The following KRT25 variants were observed in gnomAD, a reference collection of about 807,000 sequenced individuals.
KRT25 encodes the protein keratin, type I cytoskeletal 25.
A neutral mutation model predicts 47.6 loss-of-function variants in KRT25; 37 were observed. The observed-to-expected ratio is 0.78, with a 90% CI of 0.60 to 1.02. The LOEUF (loss-of-function observed/expected upper bound fraction) is 1.02, where lower values mean the gene tolerates loss of function less well. KRT25 is among the 50% of genes least tolerant of loss of function. KRT25 has a pLI of 0.00. For synonymous variants in KRT25, 203 were observed against 210.2 expected (o/e 0.97, Z 0.30); for missense variants, 542 against 550.3 (o/e 0.98, Z 0.15).
intron 6 of KRT25, 43 bp downstream of exon 6, chr17:40,750,337 G>T: frequency 6.3e-7 from 1 of 1,595,060 alleles, no homozygotes; most frequent in Non-Finnish European, 8.6e-7. Context: ...GTTGCAAGCA[G>T]ATTTCAGTAT....
intron 3 of KRT25, among the ~76,000 whole-genome samples, chr17:40,753,069 G>C (rs77220461): frequency 0.029 from 4,438 of 152,216 alleles, 387 homozygotes; most frequent in Admixed American, 0.17. Flanking sequence ...TTTACAGCCA[G>C]ACCTATTAAG....
intron 3 of KRT25, among the ~76,000 whole-genome samples, chr17:40,753,541 A>G (rs987702294): frequency 6.6e-6 from 1 of 151,890 alleles, no homozygotes; most frequent in African/African-American, 2.4e-5. Flanking sequence ...CTAAAAATAC[A>G]TAAAATTAGC....
intron 7 of KRT25, 28 bp downstream of exon 7, chr17:40,749,230 A>G: frequency 6.4e-7 from 1 of 1,553,862 alleles, no homozygotes; most frequent in Non-Finnish European, 8.9e-7. Flanking sequence ...AAAAATTAGC[A>G]TTGCACAACA....
In KRT25 at chr17:40,748,387, C is replaced by A. The variant is rs772405467; in HGVS notation, c.1244-1G>T. 3.9e-5 allele frequency: 61 copies of A among 1,583,722 alleles called. No individual in the cohort carries two copies. In the Middle Eastern group the frequency reaches 1.3e-3, roughly 34 times the overall value. ...TTAACCACTATGGCTTTGGCTGGGT[C>A]TGAGCATTAAAAATTAAAAGGAGAT... On this transcript the variant is annotated splice_acceptor_variant, in intron 7 of 7. Transcript: ENST00000312150. LOFTEE classifies it high-confidence loss of function.
At chr17:40,754,506 C>A (rs770043508) in intron 1 of KRT25, 38 bp from the exon 2 acceptor site, 2 of 1,500,058 alleles carry the variant, frequency 1.3e-6, no homozygotes, top group South Asian at 1.1e-5. Flanking sequence ...TGAAGTAAAC[C>A]AACTGAATCT....
chr17:40,752,468 C>G (rs78182203), intron 3 of KRT25, among the ~76,000 whole-genome samples: 1 of 152,124 alleles, frequency 6.6e-6, no homozygotes. Context: ...TGCAGCGAGC[C>G]CCTCAGCCAT....
chr17:40,754,103 T>G lies in KRT25; in HGVS notation c.513-87A>C, dbSNP rs182168491. 6,722 of 1,343,190 alleles carry G rather than the reference T, an allele frequency of 5.0e-3. 36 individuals are homozygous for G. The highest frequency in any genetic ancestry group is 6.0e-3 in the Non-Finnish European group (5,743 of 953,670). 83.2% of individuals were successfully genotyped at this position (1,343,190 alleles called of 1,614,324 possible). A position where few individuals can be genotyped will look rare whatever the true frequency, so the allele number is the denominator to read the frequency against. ...TGATCAATGACAAATGCTAGCATTC[T>G]GGAATTTTGAAGATTTGGCCACAAG... On this transcript the variant is annotated intron_variant, in intron 2 of 7. Coordinates refer to ENST00000312150, the MANE Select transcript of KRT25 (RefSeq NM_181534.4).
In KRT25 at chr17:40,754,925, T is replaced by G. The variant is rs2038091443; in HGVS notation, c.347A>C (p.Glu116Ala). Reference sequence around the variant, plus strand: ...ACGGCAAGAGCCAGGCCCAAATTTCTCATACCAGCCCTTGATCTTCTGCTC... The same window carrying G: ...ACGGCAAGAGCCAGGCCCAAATTTCGCATACCAGCCCTTGATCTTCTGCTC... ...DLEQKIKGWY[E>A]KFGPGSCRGL... The change falls in exon 1 of 8, where the codon GAG (glutamate) becomes GCG (alanine). Residue 116 changes from glutamate (E) to alanine (A), a missense_variant. Coordinates refer to ENST00000312150, the MANE Select transcript of KRT25 (RefSeq NM_181534.4). 1 of 1,614,092 alleles carries G rather than the reference T, an allele frequency of 6.2e-7. No homozygotes were observed. The highest frequency in any genetic ancestry group is 1.7e-5 in the Admixed American group (1 of 60,006).
rs1235798983 is a variant in KRT25, at chr17:40,751,213, G to A, written c.783C>T (p.Ala261=). ...LLNNMRAEYE[A]LAEQNRRDAE... ...CGTCCCTGCGGTTCTGCTCTGCAAGGGCTTCGTACTCAGCTCGCATGTTGT... is the reference window on the plus strand; with the variant it reads ...CGTCCCTGCGGTTCTGCTCTGCAAGAGCTTCGTACTCAGCTCGCATGTTGT... The change falls in exon 4 of 8, where the codon GCC becomes GCT. Residue 261 remains alanine (A), a synonymous_variant. Coordinates refer to ENST00000312150, the MANE Select transcript of KRT25 (RefSeq NM_181534.4). The A allele has an allele frequency of 1.2e-6, 2 of 1,613,950 alleles. No individual in the cohort carries two copies. The highest frequency in any genetic ancestry group is 2.7e-5 in the African/African-American group (2 of 74,900).
intron 2 of KRT25, among the ~76,000 whole-genome samples, 178 bp downstream of exon 2, chr17:40,754,208 G>GA (rs1390735043): frequency 5.3e-5 from 8 of 152,172 alleles, no homozygotes; most frequent in Non-Finnish European, 1.0e-4. Context: ...AGGGTATTGG[G>GA]CGCTAGTTTT....
chr17:40,751,467 C>T, intron 3 of KRT25, 141 bp from the exon 4 acceptor site: 1 of 855,948 alleles, frequency 1.2e-6, no homozygotes, highest in Non-Finnish European at 1.7e-6. Context: ...ACATTTGATA[C>T]TTCCTGTCCC....
intron 3 of KRT25, among the ~76,000 whole-genome samples, chr17:40,753,582 G>C: frequency 6.7e-6 from 1 of 150,228 alleles, no homozygotes. Flanking sequence ...TACTCGGGAG[G>C]CTGAGGCAGG....
Position 40,755,261 on chromosome 17 carries a change from C to G in KRT25, c.11G>C (p.Arg4Pro), listed in dbSNP as rs201968833. The G allele has an allele frequency of 6.2e-7, 1 of 1,613,028 alleles. No homozygotes were observed. The highest frequency in any genetic ancestry group is 1.3e-5 in the African/African-American group (1 of 74,892). The change falls in exon 1 of 8, where the codon CGA becomes CCA. Residue 4 changes from arginine to proline, a missense_variant. Physicochemically the swap from Arg to Pro is moderately radical, Grantham distance 103 (BLOSUM62 -2). Transcript: ENST00000312150. The part of the protein sequence containing the change: MSL[R>P]LSSASRRSCP... ...GGACCTCCTGGATGCACTGGAAAGT[C>G]GAAGAGACATGGTATCAGGGCAAAC...
Position 40,748,319 on chromosome 17 carries a change from GGTAA to G in KRT25, c.1307_1310del (p.Leu436ProfsTer?). On this transcript the variant is annotated frameshift_variant, in exon 8 of 8. Coordinates refer to ENST00000312150, the MANE Select transcript of KRT25 (RefSeq NM_181534.4). LOFTEE classifies it high-confidence loss of function. ...TCTCTTCCAGGGAGTGGAGCCTGGT[GGTAA>G]GTATTTTGCTGCGTTGGTCTACCTC... The G allele has an allele frequency of 6.2e-7, 1 of 1,612,564 alleles. No homozygotes were observed. Among genetic ancestry groups the G allele is most frequent in the Admixed American group, 1.7e-5 (1 of 59,836 alleles).
chr17:40,753,886 T>A lies in KRT25; in HGVS notation c.643A>T (p.Thr215Ser). ...TCTTTATGGTTCTTTTTGAGGTAAGTCATCTCCTCACTCAGGGTTTCATAC... is the reference window on the plus strand; with the variant it reads ...TCTTTATGGTTCTTTTTGAGGTAAGACATCTCCTCACTCAGGGTTTCATAC... ...IQYETLSEEMTYLKKNHKEEM... is the reference protein window; with the variant it reads ...IQYETLSEEMSYLKKNHKEEM... The change falls in exon 3 of 8, where the codon ACT (threonine) becomes TCT (serine). Residue 215 changes from threonine (T) to serine (S), a missense_variant. Coordinates refer to ENST00000312150, the MANE Select transcript of KRT25 (RefSeq NM_181534.4). 1 of 1,613,978 alleles carries A rather than the reference T, an allele frequency of 6.2e-7. No individual in the cohort carries two copies. Among genetic ancestry groups the A allele is most frequent in the Non-Finnish European group, 8.5e-7 (1 of 1,179,960 alleles).
chr17:40,755,097 C>A lies in KRT25; in HGVS notation c.175G>T (p.Gly59Trp). The change falls in exon 1 of 8, where the codon GGG becomes TGG. Residue 59 changes from glycine (G) to tryptophan (W), a missense_variant. Coordinates refer to ENST00000312150, the MANE Select transcript of KRT25 (RefSeq NM_181534.4). ...AAGCCAGCACAGGGATTACCTCCCC[C>A]TGTGTTTCCTCCCGATGAGCTGCCT... ...FGGSSSGGNT[G>W]GGNPCAGFTV... 6.2e-7 allele frequency: 1 copy of A among 1,614,176 alleles called. No homozygotes were observed. Among genetic ancestry groups the A allele is most frequent in the Non-Finnish European group, 8.5e-7 (1 of 1,179,998 alleles).
Position 40,748,116 on chromosome 17 carries a change from T to C in KRT25, c.*161A>G, listed in dbSNP as rs945885524. The C allele has an allele frequency of 1.4e-5, 7 of 512,946 alleles. No homozygotes were observed. The highest frequency in any genetic ancestry group is 2.4e-5 in the Non-Finnish European group (7 of 292,402). 31.8% of individuals were successfully genotyped at this position (512,946 alleles called of 1,614,324 possible). On this transcript the variant is annotated 3_prime_UTR_variant, in exon 8 of 8. Coordinates refer to ENST00000312150, the MANE Select transcript of KRT25 (RefSeq NM_181534.4). Reference sequence around the variant, plus strand: ...GTCATATTTGTGTGTGGCATTCTTCTAGATGAATGGGGAGATGCTGTCATT... The same window carrying C: ...GTCATATTTGTGTGTGGCATTCTTCCAGATGAATGGGGAGATGCTGTCATT...
At position 40,754,930 on chromosome 17, in the gene KRT25, C is replaced by A; in HGVS notation, c.342G>T (p.Trp114Cys). ...NADLEQKIKG[W>C]YEKFGPGSCR... ...AAGAGCCAGGCCCAAATTTCTCATA[C>A]CAGCCCTTGATCTTCTGCTCCAGGT... The change falls in exon 1 of 8, where the codon TGG (tryptophan) becomes TGT (cysteine). Residue 114 changes from tryptophan (W) to cysteine (C), a missense_variant. Transcript: ENST00000312150. 6.2e-7 allele frequency: 1 copy of A among 1,614,148 alleles called. No individual in the cohort carries two copies. The highest frequency in any genetic ancestry group is 8.5e-7 in the Non-Finnish European group (1 of 1,180,036).
intron 7 of KRT25, 75 bp from the exon 8 acceptor site, chr17:40,748,461 T>C (rs2038016670): frequency 1.1e-6 from 1 of 947,360 alleles, no homozygotes; most frequent in Non-Finnish European, 1.6e-6. Flanking sequence ...AAAGGAATAA[T>C]AGGATTTGCA....
Sources: allele counts gnomAD v4.1 joint callset (sites outside exome capture counted in the v4.1 genomes callset), GRCh38; gene constraint gnomAD v4.1.1; transcripts MANE v1.5; gene names NCBI Gene and HGNC (gene_info 2026-07-23, HGNC 2026-07-21).